Variants in SUGCT observed in about 807,000 individuals in gnomAD.
SUGCT encodes succinyl-CoA:glutarate CoA-transferase.
A neutral mutation model predicts 55.0 loss-of-function variants in SUGCT; 41 were observed. The ratio of observed to expected loss-of-function variants is 0.74; its 90% CI spans 0.58 to 0.97. SUGCT has a LOEUF of 0.97. Among genes scored for constraint, SUGCT ranks in the 50% least tolerant of loss-of-function variants. SUGCT has a pLI of 0.00. For synonymous variants in SUGCT, 187 were observed against 200.4 expected (o/e 0.93, Z 0.56); for missense variants, 568 against 547.8 (o/e 1.04, Z -0.37).
intron 9 of SUGCT, among the ~76,000 whole-genome samples, chr7:40,324,217 G>A (rs548440648): frequency 9.5e-6 from 1 of 105,258 alleles, no homozygotes; most frequent in South Asian, 3.4e-4. Context: ...CATAGGATAA[G>A]CAGATGATCA....
intron 7 of SUGCT, among the ~76,000 whole-genome samples, chr7:40,246,059 A>C (rs1461317722): frequency 6.6e-6 from 1 of 151,936 alleles, no homozygotes; most frequent in Non-Finnish European, 1.5e-5. Flanking sequence ...GGGTTCGATT[A>C]TTATTATTTT....
intron 9 of SUGCT, among the ~76,000 whole-genome samples, chr7:40,356,725 G>C (rs909384684): frequency 1.3e-5 from 2 of 152,132 alleles, no homozygotes; most frequent in Non-Finnish European, 2.9e-5. Context: ...TTTTGAATTA[G>C]TGTTTTCTTA....
At chr7:40,980,759 C>G in the SUGCT span, among the ~76,000 whole-genome samples, 1 of 152,048 alleles carries the variant, frequency 6.6e-6, no homozygotes, top group Non-Finnish European at 1.5e-5. Flanking sequence ...TGCAGTGGTG[C>G]GATCTCAGCT....
At chr7:40,739,212 C>T (rs1787334823) in intron 12 of SUGCT, among the ~76,000 whole-genome samples, 1 of 152,122 alleles carries the variant, frequency 6.6e-6, no homozygotes, top group Non-Finnish European at 1.5e-5. Context: ...ATCTCTCCTG[C>T]TGCCCTTTTA....
intron 12 of SUGCT, among the ~76,000 whole-genome samples, chr7:40,660,901 A>G (rs6967359): frequency 0.053 from 8,089 of 152,150 alleles, 674 homozygotes; most frequent in African/African-American, 0.19. Context: ...TTCCCGTCCC[A>G]GCATTATAAC....
At chr7:40,853,768 TATA>T (rs1313075777) in intron 13 of SUGCT, among the ~76,000 whole-genome samples, 2 of 152,232 alleles carry the variant, frequency 1.3e-5, no homozygotes, top group Non-Finnish European at 2.9e-5. Flanking sequence ...AAATGAGAGC[TATA>T]ATAATTTCTT....
chr7:40,843,953 G>A (rs4720379), intron 13 of SUGCT, among the ~76,000 whole-genome samples: 33,118 of 152,028 alleles, frequency 0.22, 4,759 homozygotes, highest in East Asian at 0.8. Context: ...ACTTGTGAAG[G>A]GGTGGCTCAT....
intron 9 of SUGCT, among the ~76,000 whole-genome samples, chr7:40,385,374 GA>G (rs1382458675): frequency 6.6e-6 from 1 of 152,134 alleles, no homozygotes; most frequent in Non-Finnish European, 1.5e-5. Context: ...GTAAAATGGG[GA>G]AAATTACAAT....
At chr7:40,690,613 G>C (rs1035388568) in intron 12 of SUGCT, among the ~76,000 whole-genome samples, 7 of 151,856 alleles carry the variant, frequency 4.6e-5, no homozygotes, top group African/African-American at 1.5e-4. Context: ...TGTCGCTCAG[G>C]CTGTAGTGCA....
chr7:40,686,424 AAAG>A (rs1424134655), intron 12 of SUGCT, among the ~76,000 whole-genome samples: 16 of 152,344 alleles, frequency 1.1e-4, no homozygotes, highest in Admixed American at 9.2e-4. Context: ...CTATATATAT[AAAG>A]AAGTTAATTT....
chr7:40,359,964 G>T (rs112784923), intron 9 of SUGCT, among the ~76,000 whole-genome samples: 16 of 152,270 alleles, frequency 1.1e-4, no homozygotes, highest in African/African-American at 3.9e-4. Flanking sequence ...GAAATGACCT[G>T]CAGCCTTTTA....
chr7:40,806,489 T>C (rs1485919750), intron 13 of SUGCT, among the ~76,000 whole-genome samples: 2 of 152,186 alleles, frequency 1.3e-5, no homozygotes, highest in East Asian at 3.9e-4. Flanking sequence ...TTATCTTTTT[T>C]ACTTTTTTCC....
intron 8 of SUGCT, among the ~76,000 whole-genome samples, chr7:40,303,252 T>C (rs1286733811): frequency 1.3e-5 from 2 of 152,062 alleles, no homozygotes; most frequent in Admixed American, 1.3e-4. Flanking sequence ...CAGGCTGGTC[T>C]TGGACTCCTG....
At chr7:40,655,043 A>T (rs1298383917) in intron 12 of SUGCT, among the ~76,000 whole-genome samples, 1 of 152,182 alleles carries the variant, frequency 6.6e-6, no homozygotes, top group African/African-American at 2.4e-5. Context: ...ATTATAGGCA[A>T]TATCACTTTT....
chr7:40,242,934 T>TATATATATATATATA (rs1491495282), intron 7 of SUGCT, among the ~76,000 whole-genome samples: 69 of 17,974 alleles, frequency 3.8e-3, no homozygotes, highest in Admixed American at 7.4e-3. Flanking sequence ...TATATATATA[T>TATATATATATATATA]TTTTTTTTTT....
At chr7:40,530,905 T>G (rs1272774138) in intron 12 of SUGCT, among the ~76,000 whole-genome samples, 1 of 152,210 alleles carries the variant, frequency 6.6e-6, no homozygotes, top group Admixed American at 6.5e-5. Flanking sequence ...ACGGAAGAGA[T>G]AGAAGGCATA....
At chr7:40,360,847 T>C (rs1221468697) in intron 9 of SUGCT, among the ~76,000 whole-genome samples, 2 of 152,078 alleles carry the variant, frequency 1.3e-5, no homozygotes, top group East Asian at 1.9e-4. Flanking sequence ...GAAATATTAA[T>C]AAAATTTTGA....
At chr7:40,367,093 T>C (rs938696005) in intron 9 of SUGCT, among the ~76,000 whole-genome samples, 8 of 151,978 alleles carry the variant, frequency 5.3e-5, no homozygotes, top group African/African-American at 1.9e-4. Context: ...CCATAAAAAA[T>C]GATGAGTTCA....
At chr7:40,245,907 G>A (rs891049651) in intron 7 of SUGCT, among the ~76,000 whole-genome samples, 6 of 151,854 alleles carry the variant, frequency 4.0e-5, no homozygotes, top group African/African-American at 1.2e-4. Context: ...GCAGTGGTGC[G>A]ATTATGGCTC....
Sources: gnomAD v4.1 joint callset for allele counts (sites outside exome capture counted in the v4.1 genomes callset) on GRCh38, gnomAD v4.1.1 for gene constraint, MANE v1.5 for transcripts, NCBI Gene and HGNC (gene_info 2026-07-23, HGNC 2026-07-21) for gene names.